CD80: variants seen among roughly 807,000 people sequenced by gnomAD.
The protein encoded by CD80 is T-lymphocyte activation antigen CD80.
A neutral mutation model predicts 27.1 loss-of-function variants in CD80; 13 were observed. That is an observed-to-expected ratio of 0.48 (90% CI 0.31 to 0.76). The LOEUF is 0.76. Among genes scored for constraint, CD80 ranks in the 30% least tolerant of loss-of-function variants. The pLI is 0.04. For missense variants in CD80, 277 were observed against 347.9 expected, an observed-to-expected ratio of 0.80 and a Z score of 1.62; for synonymous variants, 125 against 125.5, an observed-to-expected ratio of 1.00 and a Z score of 0.03.
rs74934063 is a variant in CD80 at position 119,527,823 on chromosome 3, C to T, written c.815G>A (p.Arg272Lys). 2.7e-3 allele frequency: 4,300 copies of T among 1,613,886 alleles called. 91 individuals carry two copies. The African/African-American group carries it at 0.049, about 18-fold the overall frequency. Residue 272 changes from arginine (R) to lysine (K), a missense_variant, in exon 6 of 7, where the codon AGA becomes AAA. Coordinates refer to ENST00000264246, the MANE Select transcript of CD80 (RefSeq NM_005191.4). ...CLTYCFAPRCRERRRNERLRR... is the reference protein window; with the variant it reads ...CLTYCFAPRCKERRRNERLRR... ...CAATCTCTCATTCCTCCTTCTCTCTCTGCATCTTGGGGCAAAGCCTTGGAG... is the reference window on the plus strand; with the variant it reads ...CAATCTCTCATTCCTCCTTCTCTCTTTGCATCTTGGGGCAAAGCCTTGGAG...
At chr3:119,553,865 C>G (rs1405573525) in intron 2 of CD80, among the ~76,000 whole-genome samples, 1 of 152,112 alleles carries the variant, frequency 6.6e-6, no homozygotes, top group Non-Finnish European at 1.5e-5. Context: ...GAGATTTTAC[C>G]GTTCCTGGTT....
chr3:119,550,694 TC>T (rs1186038487), intron 2 of CD80, among the ~76,000 whole-genome samples: 1 of 152,230 alleles, frequency 6.6e-6, no homozygotes, highest in African/African-American at 2.4e-5. Flanking sequence ...TGGTTGAACT[TC>T]TGAGCTTGCT....
At chr3:119,548,743 A>G (rs2082214114) in intron 2 of CD80, among the ~76,000 whole-genome samples, 1 of 152,088 alleles carries the variant, frequency 6.6e-6, no homozygotes, top group Non-Finnish European at 1.5e-5. Flanking sequence ...TGCTATAAGA[A>G]ACAGAGTCCC....
intron 4 of CD80, among the ~76,000 whole-genome samples, chr3:119,534,417 G>A (rs1319849785): frequency 6.6e-6 from 1 of 151,182 alleles, no homozygotes; most frequent in African/African-American, 2.4e-5. Flanking sequence ...AAATTTTGTT[G>A]GAACATAGCC....
At chr3:119,556,583 A>G (rs2082266117) in intron 2 of CD80, among the ~76,000 whole-genome samples, 1 of 152,192 alleles carries the variant, frequency 6.6e-6, no homozygotes, top group Middle Eastern at 3.2e-3. Flanking sequence ...AACAATGTAA[A>G]ATAGCTCTGG....
At chr3:119,542,843 G>A (rs1195202533) in intron 3 of CD80, among the ~76,000 whole-genome samples, 2 of 152,146 alleles carry the variant, frequency 1.3e-5, no homozygotes, top group African/African-American at 4.8e-5. Context: ...TAGAAATTAT[G>A]GTTTAGGAGT....
chr3:119,527,775 A>G lies in CD80; in HGVS notation c.863T>C (p.Val288Ala), dbSNP rs773854424. ...CCCTTGCTTCTGCGGACACTGTTATACAGGGCGTACACTTTCCCTTCTCAA... is the reference window on the plus strand; with the variant it reads ...CCCTTGCTTCTGCGGACACTGTTATGCAGGGCGTACACTTTCCCTTCTCAA... The part of the protein sequence containing the change: ...ERLRRESVRP[V>A] The change falls in exon 6 of 7, where the codon GTA becomes GCA. Residue 288 changes from valine (V) to alanine (A), a missense_variant. Val to Ala is a moderately conservative substitution (Grantham distance 64). Transcript: ENST00000264246. The G allele has an allele frequency of 6.2e-7, 1 of 1,613,518 alleles. No homozygotes were observed. Among genetic ancestry groups the G allele is most frequent in the South Asian group, 1.1e-5 (1 of 91,062 alleles).
chr3:119,551,915 G>A (rs2082234475), intron 2 of CD80, among the ~76,000 whole-genome samples: 1 of 152,220 alleles, frequency 6.6e-6, no homozygotes, highest in African/African-American at 2.4e-5. Context: ...AGCCCCTCCT[G>A]CACCTCTACC....
At chr3:119,553,983 G>C (rs2107748157) in intron 2 of CD80, among the ~76,000 whole-genome samples, 1 of 152,320 alleles carries the variant, frequency 6.6e-6, no homozygotes, top group South Asian at 2.1e-4. Context: ...CCACACAAAG[G>C]AGACAGGCAG....
At chr3:119,532,441 C>T (rs2082115898) in intron 4 of CD80, among the ~76,000 whole-genome samples, 1 of 150,828 alleles carries the variant, frequency 6.6e-6, no homozygotes, top group Non-Finnish European at 1.5e-5. Context: ...TGCAATGAGC[C>T]AAGATTGCAC....
rs750615036 is a variant in CD80 at position 119,529,944 on chromosome 3, A to G, written c.701-7T>C. Reference sequence around the variant, plus strand: ...GGAAAATGCTCTTGCTTGGCTATGGAGGGAAAAGAATAATGTCAGCTGTAA... The same window carrying G: ...GGAAAATGCTCTTGCTTGGCTATGGGGGGAAAAGAATAATGTCAGCTGTAA... On this transcript the variant is annotated splice_polypyrimidine_tract_variant and splice_region_variant and intron_variant, in intron 4 of 6. Coordinates refer to ENST00000264246, the MANE Select transcript of CD80 (RefSeq NM_005191.4). 1.3e-6 allele frequency: 2 copies of G among 1,587,916 alleles called. No homozygotes were observed. Among genetic ancestry groups the G allele is most frequent in the Non-Finnish European group, 1.7e-6 (2 of 1,156,436 alleles).
At chr3:119,552,625 C>T (rs1210202988) in intron 2 of CD80, among the ~76,000 whole-genome samples, 1 of 151,782 alleles carries the variant, frequency 6.6e-6, no homozygotes. Flanking sequence ...TGCTTGAGCC[C>T]AGGAAATCGA....
chr3:119,537,869 T>C (rs1222713183), intron 3 of CD80, among the ~76,000 whole-genome samples: 2 of 152,226 alleles, frequency 1.3e-5, no homozygotes, highest in Admixed American at 6.5e-5. Flanking sequence ...TACTCATTAA[T>C]AGTTATGTAT....
At chr3:119,528,932 A>AAAAAAG (rs2082094301) in intron 5 of CD80, among the ~76,000 whole-genome samples, 2 of 150,054 alleles carry the variant, frequency 1.3e-5, no homozygotes, top group Non-Finnish European at 3.0e-5. Flanking sequence ...TCAAAAAAAA[A>AAAAAAG]AAAGAACTAA....
chr3:119,532,925 C>G (rs191721682), intron 4 of CD80, among the ~76,000 whole-genome samples: 1 of 152,208 alleles, frequency 6.6e-6, no homozygotes, highest in Non-Finnish European at 1.5e-5. Flanking sequence ...GTACCTACCA[C>G]TTAAAGACAG....
At chr3:119,544,920 G>A (rs977184373) in intron 2 of CD80, 53 bp from the exon 3 acceptor site, 1 of 1,451,152 alleles carries the variant, frequency 6.9e-7, no homozygotes, top group African/African-American at 1.4e-5. Flanking sequence ...ACAGATTCCT[G>A]CATGGTCAGG....
chr3:119,531,530 T>C (rs939929562), intron 4 of CD80, among the ~76,000 whole-genome samples: 16 of 152,206 alleles, frequency 1.1e-4, no homozygotes, highest in Non-Finnish European at 2.1e-4. Context: ...CTGCAAACCA[T>C]TGAGTCGGAG....
intron 4 of CD80, among the ~76,000 whole-genome samples, chr3:119,534,000 C>T (rs35505447): frequency 0.077 from 11,762 of 152,192 alleles, 588 homozygotes; most frequent in Non-Finnish European, 0.11. Flanking sequence ...TAAAGCTCTC[C>T]AGCCACAAAG....
chr3:119,559,129 C>T (rs765826634), intron 1 of CD80, among the ~76,000 whole-genome samples: 1 of 152,164 alleles, frequency 6.6e-6, no homozygotes, highest in Non-Finnish European at 1.5e-5. Flanking sequence ...CTCAACCTCC[C>T]GAGCTCAAGC....
Sources: allele counts gnomAD v4.1 joint callset (sites outside exome capture counted in the v4.1 genomes callset), GRCh38; gene constraint gnomAD v4.1.1; transcripts MANE v1.5; gene names NCBI Gene and HGNC (gene_info 2026-07-23, HGNC 2026-07-21).